Variants in ZNF804B observed in about 807,000 individuals in gnomAD.
ZNF804B encodes zinc finger protein 804B.
Under a neutral mutation model 101.4 loss-of-function variants are expected in ZNF804B, and 80 were observed. The ratio of observed to expected loss-of-function variants is 0.79; its 90% CI spans 0.66 to 0.95. The LOEUF is 0.95. Ranked by LOEUF, ZNF804B falls within the 40% of genes least tolerant of loss-of-function variation. ZNF804B has a pLI of 0.00. For missense variants in ZNF804B, 1,673 were observed against 1,561.9 expected, an observed-to-expected ratio of 1.07 and a Z score of -1.20; for synonymous variants, 622 against 558.8, an observed-to-expected ratio of 1.11 and a Z score of -1.59.
chr7:88,977,815 A>G (rs957746037), intron 1 of ZNF804B, among the ~76,000 whole-genome samples: 2 of 151,002 alleles, frequency 1.3e-5, no homozygotes, highest in Admixed American at 6.6e-5. Flanking sequence ...TTTAAGATGC[A>G]TCATTAGGTT....
At chr7:88,971,948 G>A (rs1793545294) in intron 1 of ZNF804B, among the ~76,000 whole-genome samples, 1 of 151,362 alleles carries the variant, frequency 6.6e-6, no homozygotes, top group Non-Finnish European at 1.5e-5. Flanking sequence ...CGCTTTTCCA[G>A]TTTACCAGAG....
Position 89,306,370 on chromosome 7 carries a change from G to A in ZNF804B, c.250-20974G>A, listed in dbSNP as rs142994279. ...AAAGTCAAGGATTCCATGCATGACC[G>A]TGCCTGTGTCTCACTCTGCTCTTAT... On this transcript the variant is annotated intron_variant, in intron 2 of 3. Coordinates refer to ENST00000333190, the MANE Select transcript of ZNF804B (RefSeq NM_181646.5). Among the ~76,000 whole-genome samples, 53 of 152,120 alleles carry A rather than the reference G, an allele frequency of 3.5e-4. 1 individual carries two copies. In the East Asian group the frequency reaches 7.5e-3, roughly 22 times the overall value.
intron 1 of ZNF804B, among the ~76,000 whole-genome samples, chr7:88,979,208 A>G (rs554686893): frequency 1.3e-5 from 2 of 152,088 alleles, no homozygotes; most frequent in East Asian, 1.9e-4. Flanking sequence ...TGAGTAATTT[A>G]TACACCACAA....
In ZNF804B at chr7:89,333,622, A is replaced by G. The variant is rs768316286; in HGVS notation, c.640A>G (p.Asn214Asp). The G allele has an allele frequency of 6.2e-7, 1 of 1,613,636 alleles. No homozygotes were observed. Among genetic ancestry groups the G allele is most frequent in the Admixed American group, 1.7e-5 (1 of 59,914 alleles). ...AACATCTTCAGATCTCAGCAATGCA[A>G]ATCACAGAACAGGAGTATCATTTAC... ...LQTSSDLSNA[N>D]HRTGVSFTFS... is the part of the protein sequence containing the mutation. Residue 214 changes from asparagine to aspartate, a missense_variant, in exon 4 of 4, where the codon AAT (asparagine) becomes GAT (aspartate). Asn to Asp is a conservative substitution (Grantham distance 23, BLOSUM62 1). Coordinates refer to ENST00000333190, the MANE Select transcript of ZNF804B (RefSeq NM_181646.5).
intron 1 of ZNF804B, among the ~76,000 whole-genome samples, chr7:89,183,053 T>C (rs1788321312): frequency 6.6e-6 from 1 of 152,166 alleles, no homozygotes; most frequent in Non-Finnish European, 1.5e-5. Context: ...TCATGTCTGG[T>C]AAAAATTAGT....
At chr7:89,039,659 T>G (rs926061059) in intron 1 of ZNF804B, among the ~76,000 whole-genome samples, 8 of 151,976 alleles carry the variant, frequency 5.3e-5, no homozygotes, top group African/African-American at 1.9e-4. Context: ...GTCTTTTTTT[T>G]TTCTTGTAGG....
At chr7:89,215,928 TAAG>T (rs1788888557) in intron 1 of ZNF804B, among the ~76,000 whole-genome samples, 1 of 147,812 alleles carries the variant, frequency 6.8e-6, no homozygotes, top group Non-Finnish European at 1.5e-5. Context: ...AATAAATAAA[TAAG>T]AACTATGATT....
intron 2 of ZNF804B, among the ~76,000 whole-genome samples, chr7:89,278,870 T>C (rs1272246811): frequency 6.6e-6 from 1 of 152,114 alleles, no homozygotes; most frequent in Non-Finnish European, 1.5e-5. Context: ...TAAAGTAGTA[T>C]TTTCCAATTC....
intron 1 of ZNF804B, among the ~76,000 whole-genome samples, chr7:89,212,475 T>C (rs1321337138): frequency 1.2e-4 from 19 of 152,064 alleles, no homozygotes; most frequent in Admixed American, 1.2e-3. Flanking sequence ...TAAATAAACT[T>C]ATAGACTAAA....
intron 1 of ZNF804B, among the ~76,000 whole-genome samples, chr7:88,873,411 C>T (rs377649413): frequency 2.0e-5 from 3 of 152,120 alleles, no homozygotes; most frequent in East Asian, 1.9e-4. Flanking sequence ...TTCTCCCATT[C>T]TGTAGGTTGC....
intron 2 of ZNF804B, among the ~76,000 whole-genome samples, chr7:89,248,921 T>C (rs1472271360): frequency 4.6e-5 from 7 of 151,268 alleles, no homozygotes; most frequent in Admixed American, 4.0e-4. Context: ...GCACCTATAC[T>C]GTCAAAGTAA....
intron 1 of ZNF804B, among the ~76,000 whole-genome samples, chr7:89,147,083 G>GTGTATATATATA (rs545656697): frequency 7.1e-5 from 10 of 140,180 alleles, no homozygotes; most frequent in Non-Finnish European, 1.4e-4. Flanking sequence ...GGATAATCAG[G>GTGTATATATATA]TATATATATA....
intron 1 of ZNF804B, among the ~76,000 whole-genome samples, chr7:89,013,690 C>G (rs1003233402): frequency 3.2e-4 from 49 of 152,086 alleles, no homozygotes; most frequent in African/African-American, 1.1e-3. Context: ...ATTGATAACT[C>G]TAGTCTAGAC....
At chr7:88,800,980 AAAG>A (rs1237283172) in intron 1 of ZNF804B, among the ~76,000 whole-genome samples, 6 of 151,014 alleles carry the variant, frequency 4.0e-5, no homozygotes, top group African/African-American at 1.2e-4. Context: ...TCACTTTAAG[AAAG>A]AAGAGGCTAA....
intron 2 of ZNF804B, among the ~76,000 whole-genome samples, chr7:89,229,356 G>A (rs1169025971): frequency 6.6e-6 from 1 of 152,188 alleles, no homozygotes; most frequent in Admixed American, 6.5e-5. Context: ...TATAAAGACC[G>A]ATTAAAAGAA....
chr7:89,224,572 CAA>C (rs2115720538), intron 2 of ZNF804B, among the ~76,000 whole-genome samples: 1 of 152,004 alleles, frequency 6.6e-6, no homozygotes, highest in Admixed American at 6.6e-5. Flanking sequence ...AACAAAATGT[CAA>C]AGTGTAGATG....
At position 89,327,195 on chromosome 7, in the gene ZNF804B, A is replaced by C. The variant is rs116706756; in HGVS notation, c.250-149A>C. 4.3e-4 allele frequency: 278 copies of C among 653,692 alleles called. 1 individual carries two copies. In the African/African-American group the frequency reaches 4.6e-3, roughly 11 times the overall value. 40.5% of individuals were successfully genotyped at this position (653,692 alleles called of 1,614,324 possible). The stretch of plus-strand genomic sequence containing the variant: ...ATCTGCTAAATGTGTCTTGGAGCAG[A>C]GAATAGCAACAATGGAGAAGATACT... On this transcript the variant is annotated intron_variant, in intron 2 of 3. Transcript: ENST00000333190.
intron 1 of ZNF804B, among the ~76,000 whole-genome samples, chr7:89,171,359 C>CTTCCTCT (rs1562904583): frequency 1.5e-5 from 1 of 66,986 alleles, no homozygotes; most frequent in Non-Finnish European, 3.2e-5. Context: ...CTTCTTCTTC[C>CTTCCTCT]TCCTCTTCCT....
intron 1 of ZNF804B, among the ~76,000 whole-genome samples, chr7:88,854,508 T>TCCC (rs1791515673): frequency 1.1e-5 from 1 of 89,736 alleles, no homozygotes; most frequent in South Asian, 4.2e-4. Flanking sequence ...TTTCCTTTCC[T>TCCC]TTCCTTTCCT....
Sources: gnomAD v4.1 joint callset for allele counts (sites outside exome capture counted in the v4.1 genomes callset) on GRCh38, gnomAD v4.1.1 for gene constraint, MANE v1.5 for transcripts, NCBI Gene and HGNC (gene_info 2026-07-23, HGNC 2026-07-21) for gene names.